Variants in GRAMD4 observed in about 807,000 individuals in gnomAD.
GRAMD4 encodes the protein GRAM domain containing 4, also known as GRAM domain-containing protein 4.
In GRAMD4, 25 loss-of-function variants were observed where a neutral mutation model predicts 83.9. The ratio of observed to expected loss-of-function variants is 0.30; its 90% CI spans 0.22 to 0.42. The LOEUF (loss-of-function observed/expected upper bound fraction) is 0.42. Among genes scored for constraint, GRAMD4 ranks in the 10% least tolerant of loss-of-function variants. GRAMD4 has a pLI of 1.00. For synonymous variants in GRAMD4, 336 were observed against 320.9 expected, an observed-to-expected ratio of 1.05 and a Z score of -0.50; for missense variants, 593 against 788.7, an observed-to-expected ratio of 0.75 and a Z score of 2.97.
chr22:46,626,309 C>A (rs2081658144), intron 1 of GRAMD4, among the ~76,000 whole-genome samples: 1 of 152,230 alleles, frequency 6.6e-6, no homozygotes, highest in Admixed American at 6.5e-5. Flanking sequence ...GTTAGGCAAC[C>A]TTTTGGCATG....
At chr22:46,594,149 C>T (rs2081237184) in intron 1 of GRAMD4, among the ~76,000 whole-genome samples, 1 of 151,458 alleles carries the variant, frequency 6.6e-6, no homozygotes, top group Non-Finnish European at 1.5e-5. Context: ...CCCCAGCATC[C>T]CGCCAGCCCC....
intron 3 of GRAMD4, among the ~76,000 whole-genome samples, chr22:46,657,265 A>T (rs1226861903): frequency 1.3e-5 from 2 of 152,146 alleles, no homozygotes; most frequent in African/African-American, 4.8e-5. Context: ...CTCTGCTCTC[A>T]TCGGTCTGTT....
At chr22:46,611,996 CAAAAAAAA>C (rs61392000) in intron 1 of GRAMD4, among the ~76,000 whole-genome samples, 4 of 50,158 alleles carry the variant, frequency 8.0e-5, no homozygotes, top group Admixed American at 6.8e-4. Context: ...GACTCCATCT[CAAAAAAAA>C]AAAAAAAAAA....
intron 1 of GRAMD4, among the ~76,000 whole-genome samples, chr22:46,581,144 T>G (rs2081094828): frequency 6.6e-6 from 1 of 152,188 alleles, no homozygotes; most frequent in Non-Finnish European, 1.5e-5. Context: ...TTCTGATTGT[T>G]TGGTGTTTGA....
At chr22:46,627,072 G>T (rs2081674478) in intron 2 of GRAMD4, 111 bp downstream of exon 2, 5 of 750,320 alleles carry the variant, frequency 6.7e-6, no homozygotes, top group Non-Finnish European at 1.1e-5. Flanking sequence ...GCTGGTCAGA[G>T]ATGGACTGGG....
intron 4 of GRAMD4, among the ~76,000 whole-genome samples, chr22:46,658,525 G>C (rs904682291): frequency 1.3e-5 from 2 of 152,110 alleles, no homozygotes; most frequent in Admixed American, 6.5e-5. Context: ...TCATCTTCCT[G>C]TGCCTCTGGC....
At chr22:46,660,316 C>T (rs2082308709) in intron 4 of GRAMD4, among the ~76,000 whole-genome samples, 1 of 152,110 alleles carries the variant, frequency 6.6e-6, no homozygotes, top group Non-Finnish European at 1.5e-5. Flanking sequence ...ATGGGGGCGG[C>T]GCTTAGGAAC....
chr22:46,612,316 G>A (rs990548342), intron 1 of GRAMD4, among the ~76,000 whole-genome samples: 1 of 152,144 alleles, frequency 6.6e-6, no homozygotes, highest in East Asian at 1.9e-4. Flanking sequence ...CGATGGTACT[G>A]TTGTTATTGT....
intron 1 of GRAMD4, among the ~76,000 whole-genome samples, chr22:46,603,353 G>A (rs1411822927): frequency 2.0e-5 from 3 of 150,010 alleles, no homozygotes; most frequent in African/African-American, 7.4e-5. Flanking sequence ...GACCACAGGC[G>A]CCCGCCACCA....
At chr22:46,623,255 C>A (rs919368254) in intron 1 of GRAMD4, among the ~76,000 whole-genome samples, 1 of 152,210 alleles carries the variant, frequency 6.6e-6, no homozygotes, top group Non-Finnish European at 1.5e-5. Flanking sequence ...TGTTTCCCCC[C>A]ACCAGGCCTC....
chr22:46,612,921 C>T (rs2081431975), intron 1 of GRAMD4, among the ~76,000 whole-genome samples: 5 of 152,238 alleles, frequency 3.3e-5, no homozygotes, highest in Admixed American at 3.3e-4. Flanking sequence ...TGTGGCTGCC[C>T]ACAGCCCCTG....
At chr22:46,635,153 A>C (rs879207781) in intron 2 of GRAMD4, among the ~76,000 whole-genome samples, 4 of 30,076 alleles carry the variant, frequency 1.3e-4, no homozygotes, top group African/African-American at 3.4e-4. Flanking sequence ...CCCTGCCTCC[A>C]CCCCTGGCCA....
intron 2 of GRAMD4, among the ~76,000 whole-genome samples, chr22:46,627,681 C>T (rs1311077433): frequency 2.0e-5 from 3 of 152,258 alleles, no homozygotes; most frequent in Non-Finnish European, 2.9e-5. Flanking sequence ...CTGGTTTCCT[C>T]CTCCAGCCCC....
upstream of GRAMD4, among the ~76,000 whole-genome samples, chr22:46,616,042 G>C (rs1196981452): frequency 8.9e-4 from 3 of 3,352 alleles, no homozygotes; most frequent in Non-Finnish European, 2.1e-3. Flanking sequence ...CCATGTGTAG[G>C]TTCCCCTGTG....
chr22:46,642,577 CTATT>C (rs1464222370), intron 3 of GRAMD4, among the ~76,000 whole-genome samples: 2 of 152,184 alleles, frequency 1.3e-5, no homozygotes, highest in East Asian at 1.9e-4. Flanking sequence ...AATGCAGTCT[CTATT>C]TGTTTCTTGT....
In GRAMD4 at chr22:46,677,302, C is replaced by CTTTTTTTT; in HGVS notation, c.*57_*64dup. The CTTTTTTTT allele has an allele frequency of 7.5e-7, 1 of 1,340,596 alleles. No individual in the cohort carries two copies. The highest frequency in any genetic ancestry group is 1.0e-6 in the Non-Finnish European group (1 of 994,294). The allele number at this position is 1,340,596 out of a possible 1,614,324, so 83.0% of individuals were successfully genotyped here. On this transcript the variant is annotated 3_prime_UTR_variant, in exon 19 of 19. Transcript: ENST00000406902. ...GAATTTTCTTTTTCTTTTTCTTTTTCTTTTTTTTTTTTTACGATTTGGTAG... is the reference window on the plus strand; with the variant it reads ...GAATTTTCTTTTTCTTTTTCTTTTTCTTTTTTTTTTTTTTTTTTTTTACGATTTGGTAG...
intron 15 of GRAMD4, among the ~76,000 whole-genome samples, chr22:46,674,095 GGGCGA>G (rs902338396): frequency 6.6e-6 from 1 of 152,248 alleles, no homozygotes; most frequent in African/African-American, 2.4e-5. Flanking sequence ...AGAGAGTCCA[GGGCGA>G]GGCCTCAGGG....
In GRAMD4 at chr22:46,659,173, C is replaced by T. The variant is rs1029740018; in HGVS notation, c.404+866C>T. Among the ~76,000 whole-genome samples, 4 of 152,008 alleles carry T rather than the reference C, an allele frequency of 2.6e-5. No homozygotes were observed. Among genetic ancestry groups the T allele is most frequent in the Admixed American group, 6.5e-5 (1 of 15,276 alleles). On this transcript the variant is annotated intron_variant, in intron 4 of 18. Coordinates refer to ENST00000406902, the MANE Select transcript of GRAMD4 (RefSeq NM_015124.5). This position sits in a 1 kb window ranked among gnomAD's most constrained non-coding sequence, Gnocchi z 4.1. The stretch of plus-strand genomic sequence containing the variant: ...CCTCCACTCCAGCAACCTCCTGCTT[C>T]GGCCTCCCTCTCAGCCTCCACTCCA...
chr22:46,664,207 G>A, intron 8 of GRAMD4, 90 bp downstream of exon 8: 1 of 933,928 alleles, frequency 1.1e-6, no homozygotes, highest in East Asian at 2.4e-5. Flanking sequence ...AGGGTGGGAG[G>A]TGGCCCCCAG....
Sources: gnomAD v4.1 joint callset for allele counts (sites outside exome capture counted in the v4.1 genomes callset) on GRCh38, gnomAD v4.1.1 for gene constraint, Gnocchi (gnomAD v3.1) non-coding constraint, MANE v1.5 for transcripts, NCBI Gene and HGNC (gene_info 2026-07-23, HGNC 2026-07-21) for gene names.